The following GNAQ variants were observed in gnomAD, a reference collection of about 807,000 sequenced individuals.
GNAQ encodes the protein guanine nucleotide-binding protein G(q) subunit alpha.
GNAQ carries 8 observed loss-of-function variants against 43.9 expected under a neutral mutation model. The observed-to-expected ratio is 0.18, with a 90% CI of 0.11 to 0.33. The LOEUF is 0.33. GNAQ is among the 10% of genes least tolerant of loss of function. The pLI is 1.00. For synonymous variants in GNAQ, 155 were observed against 170.7 expected (o/e 0.91, Z 0.71); for missense variants, 158 against 450.8 (o/e 0.35, Z 5.88).
At chr9:77,757,724 C>T (rs1042846431) in intron 5 of GNAQ, among the ~76,000 whole-genome samples, 6 of 152,194 alleles carry the variant, frequency 3.9e-5, no homozygotes, top group African/African-American at 1.4e-4. Context: ...CTTCCAATAG[C>T]TATGTAAGTC....
chr9:77,879,586 T>A (rs1327591929), intron 2 of GNAQ, among the ~76,000 whole-genome samples: 1 of 152,248 alleles, frequency 6.6e-6, no homozygotes. Context: ...ATGAGTAATA[T>A]CTGTCCAGAC....
chr9:77,985,775 A>T (rs955834229), intron 1 of GNAQ, among the ~76,000 whole-genome samples: 86 of 151,980 alleles, frequency 5.7e-4, no homozygotes, highest in Non-Finnish European at 1.3e-4. Context: ...TTTAGTAGAG[A>T]TGGGGTTTCA....
At chr9:77,734,652 C>A (rs1825548555) in intron 5 of GNAQ, among the ~76,000 whole-genome samples, 1 of 152,006 alleles carries the variant, frequency 6.6e-6, no homozygotes, top group Non-Finnish European at 1.5e-5. Flanking sequence ...GTTGAGTGAC[C>A]TTGAGTGATC....
At chr9:77,909,420 C>A (rs1205773093) in intron 2 of GNAQ, among the ~76,000 whole-genome samples, 1 of 152,158 alleles carries the variant, frequency 6.6e-6, no homozygotes, top group Non-Finnish European at 1.5e-5. Context: ...ACCTAATTAA[C>A]TGAACTCTTA....
intron 2 of GNAQ, among the ~76,000 whole-genome samples, chr9:77,898,294 G>T (rs1175673084): frequency 6.6e-6 from 1 of 152,168 alleles, no homozygotes; most frequent in African/African-American, 2.4e-5. Flanking sequence ...GACAGTGACT[G>T]GGCTTAAATC....
chr9:77,899,616 G>T (rs1057490333), intron 2 of GNAQ, among the ~76,000 whole-genome samples: 1 of 151,922 alleles, frequency 6.6e-6, no homozygotes, highest in African/African-American at 2.4e-5. Flanking sequence ...TCATATGAAA[G>T]CATCTCATAA....
chr9:77,968,397 A>G (rs1453242087), intron 1 of GNAQ, among the ~76,000 whole-genome samples: 2 of 152,238 alleles, frequency 1.3e-5, no homozygotes, highest in African/African-American at 2.4e-5. Flanking sequence ...CAAAAACTAA[A>G]GATTTCCTTT....
intron 1 of GNAQ, among the ~76,000 whole-genome samples, chr9:77,973,819 G>A (rs2118468432): frequency 6.6e-6 from 1 of 152,136 alleles, no homozygotes; most frequent in Non-Finnish European, 1.5e-5. Flanking sequence ...CTCAAAGTAG[G>A]GGGCAATGAA....
Position 77,955,335 on chromosome 9 carries a change from A to G in GNAQ, c.137-32990T>C, listed in dbSNP as rs565092269. ...TTTTTGTATTTTTAAGAGAGACGGG[A>G]TTTCACCATCTTGGCCAGGCTGGTT... On this transcript the variant is annotated intron_variant, in intron 1 of 6. Transcript: ENST00000286548. 2.4e-4 allele frequency among the ~76,000 whole-genome samples: 37 copies of G among 151,912 alleles called. No homozygotes were observed. The South Asian group carries it at 2.7e-3, about 11-fold the overall frequency.
chr9:77,846,901 C>T (rs188804613), intron 2 of GNAQ, among the ~76,000 whole-genome samples: 4 of 152,238 alleles, frequency 2.6e-5, no homozygotes, highest in African/African-American at 4.8e-5. Context: ...CTGAGGCTCA[C>T]GAACTTCACT....
intron 2 of GNAQ, among the ~76,000 whole-genome samples, chr9:77,857,872 GT>G (rs34145434): frequency 0.59 from 86,020 of 146,156 alleles, 26,334 homozygotes; most frequent in Non-Finnish European, 0.69. Flanking sequence ...GGCAATAAAG[GT>G]TTTTTTTTTT....
intron 2 of GNAQ, among the ~76,000 whole-genome samples, chr9:77,826,992 A>T (rs1306269699): frequency 6.6e-6 from 1 of 152,196 alleles, no homozygotes; most frequent in East Asian, 1.9e-4. Flanking sequence ...TAGCACTATC[A>T]GTTTTATATC....
At chr9:77,899,024 G>T (rs1828549583) in intron 2 of GNAQ, among the ~76,000 whole-genome samples, 1 of 152,112 alleles carries the variant, frequency 6.6e-6, no homozygotes, top group East Asian at 1.9e-4. Context: ...CTTATTGATA[G>T]ATATTTGGCT....
chr9:77,872,315 G>A (rs1424710122), intron 2 of GNAQ, among the ~76,000 whole-genome samples: 1 of 152,038 alleles, frequency 6.6e-6, no homozygotes, highest in African/African-American at 2.4e-5. Flanking sequence ...AAACTACTAG[G>A]ATCTGAGTTC....
At chr9:77,994,468 T>C (rs1221695878) in intron 1 of GNAQ, among the ~76,000 whole-genome samples, 2 of 152,192 alleles carry the variant, frequency 1.3e-5, no homozygotes, top group Non-Finnish European at 2.9e-5. Context: ...CAGAACTTTG[T>C]GGAACACTTT....
At chr9:77,994,066 G>C (rs1042263525) in intron 1 of GNAQ, among the ~76,000 whole-genome samples, 1 of 152,166 alleles carries the variant, frequency 6.6e-6, no homozygotes, top group Non-Finnish European at 1.5e-5. Flanking sequence ...GCCCAGGCTG[G>C]AGTGTAGTGG....
intron 2 of GNAQ, among the ~76,000 whole-genome samples, chr9:77,863,216 A>AAGGAAGGAAGGAAGGAAGGG (rs1281288103): frequency 2.1e-4 from 31 of 149,052 alleles, no homozygotes; most frequent in Admixed American, 3.3e-4. Flanking sequence ...GGAAGGAAGG[A>AAGGAAGGAAGGAAGGAAGGG]AGGGAGGAAG....
intron 2 of GNAQ, among the ~76,000 whole-genome samples, chr9:77,891,749 C>A (rs1358259189): frequency 1.3e-5 from 2 of 152,208 alleles, no homozygotes; most frequent in African/African-American, 4.8e-5. Flanking sequence ...ATCAATAACA[C>A]AGACCAAACA....
At chr9:78,017,616 A>G (rs1333451132) in intron 1 of GNAQ, among the ~76,000 whole-genome samples, 9 of 152,234 alleles carry the variant, frequency 5.9e-5, no homozygotes, top group African/African-American at 1.2e-4. Flanking sequence ...CTTTCATGGA[A>G]TATCTAAAGC....
Sources: gnomAD v4.1 joint callset for allele counts (sites outside exome capture counted in the v4.1 genomes callset) on GRCh38, gnomAD v4.1.1 for gene constraint, MANE v1.5 for transcripts, NCBI Gene and HGNC (gene_info 2026-07-23, HGNC 2026-07-21) for gene names.